DMD: variants seen among roughly 807,000 people sequenced by gnomAD.
DMD encodes mutant dystrophin.
A neutral mutation model predicts 330.1 loss-of-function variants in DMD; 63 were observed. The observed-to-expected ratio is 0.19, with a 90% CI of 0.16 to 0.24. The LOEUF (loss-of-function observed/expected upper bound fraction) is 0.24. Among genes scored for constraint, DMD ranks in the 10% least tolerant of loss-of-function variants. DMD has a pLI of 1.00. For synonymous variants in DMD, 1,223 were observed against 959.8 expected (o/e 1.27, Z -5.07); for missense variants, 3,344 against 2,684.1 (o/e 1.25, Z -5.43).
intron 44 of DMD, among the ~76,000 whole-genome samples, chrX:32,094,478 GT>G (rs1411730954): frequency 9.0e-6 from 1 of 111,641 alleles, no homozygotes; most frequent in African/African-American, 3.3e-5. Flanking sequence ...ATGCCAAAAT[GT>G]TTAGTTATTT....
intron 44 of DMD, among the ~76,000 whole-genome samples, chrX:32,076,086 A>AAAG (rs2096346527): frequency 6.1e-5 from 5 of 82,321 alleles, no homozygotes; most frequent in African/African-American, 2.4e-4. Flanking sequence ...AAAAAAAAAA[A>AAAG]AGAGAGAGAG....
intron 47 of DMD, among the ~76,000 whole-genome samples, chrX:31,916,206 A>T (rs968662671): frequency 8.0e-5 from 9 of 112,141 alleles, no homozygotes; most frequent in African/African-American, 2.6e-4. Flanking sequence ...CTGACTGAAA[A>T]TGTATGAGTG....
intron 60 of DMD, among the ~76,000 whole-genome samples, chrX:31,406,457 T>C (rs1008922215): frequency 6.3e-5 from 7 of 111,428 alleles, no homozygotes; most frequent in African/African-American, 2.3e-4. Flanking sequence ...TATTTTCATA[T>C]GGAGGAATCA....
At chrX:31,798,182 A>AT (rs1317001238) in intron 50 of DMD, among the ~76,000 whole-genome samples, 1 of 112,113 alleles carries the variant, frequency 8.9e-6, no homozygotes, top group Admixed American at 9.5e-5. Context: ...TCAAGGGAAA[A>AT]CTAATACTTT....
At chrX:32,977,006 G>A (rs949837161) in intron 2 of DMD, among the ~76,000 whole-genome samples, 1 of 111,396 alleles carries the variant, frequency 9.0e-6, no homozygotes, top group African/African-American at 3.3e-5. Flanking sequence ...AAAGAAACAC[G>A]GTAGCCTGGC....
intron 47 of DMD, among the ~76,000 whole-genome samples, chrX:31,925,895 A>G (rs985407337): frequency 9.2e-6 from 1 of 109,188 alleles, no homozygotes; most frequent in African/African-American, 3.3e-5. Flanking sequence ...AAACAAAAAG[A>G]AGATTCCTAA....
At chrX:33,207,732 TCTAA>T (rs1432082361) in intron 1 of DMD, among the ~76,000 whole-genome samples, 2 of 111,815 alleles carry the variant, frequency 1.8e-5, no homozygotes, top group African/African-American at 6.5e-5. Context: ...CCCAAGGAAG[TCTAA>T]CTAATAGATG....
At chrX:33,096,525 G>C (rs780817990) in intron 1 of DMD, among the ~76,000 whole-genome samples, 257 of 96,616 alleles carry the variant, frequency 2.7e-3, no homozygotes, top group African/African-American at 9.1e-3. Context: ...ATTTTTTTGA[G>C]ACAGAGTTTT....
At chrX:33,165,843 G>A (rs1323522457) in intron 1 of DMD, among the ~76,000 whole-genome samples, 1 of 111,634 alleles carries the variant, frequency 9.0e-6, no homozygotes, top group African/African-American at 3.2e-5. Flanking sequence ...AAGAAAACAA[G>A]GGCATCAAGT....
chrX:32,348,302 G>A, intron 38 of DMD, 104 bp downstream of exon 38: 1 of 805,757 alleles, frequency 1.2e-6, no homozygotes, highest in South Asian at 2.2e-5. Flanking sequence ...ATCATAAAAT[G>A]TGTAATATGT....
At chrX:32,386,729 G>GATAT (rs10622779) in intron 32 of DMD, among the ~76,000 whole-genome samples, 32 of 107,325 alleles carry the variant, frequency 3.0e-4, no homozygotes, top group South Asian at 2.4e-3. Context: ...TGTGTTTTGT[G>GATAT]ATATATATAT....
intron 44 of DMD, among the ~76,000 whole-genome samples, chrX:32,178,988 C>CCTCCTG (rs1557194271): frequency 4.8e-5 from 5 of 104,910 alleles, no homozygotes; most frequent in Non-Finnish European, 7.8e-5. Flanking sequence ...CTCTCCCTCT[C>CCTCCTG]CTCCTGCTCC....
At position 32,698,051 on chromosome X, in the gene DMD, G is replaced by A. The variant is rs190527338; in HGVS notation, c.832-53C>T. On this transcript the variant is annotated intron_variant, in intron 8 of 78. Coordinates refer to ENST00000357033, the MANE Select transcript of DMD (RefSeq NM_004006.3). ...TAGAGAGGAGGGGGAAAAACCATAA[G>A]TAACCCGAAAGGACTACTTTCCAAC... The A allele has an allele frequency of 2.1e-3, 2,363 of 1,139,863 alleles. 33 individuals are homozygous for A. In the Admixed American group the frequency reaches 0.038, roughly 18 times the overall value. 93.9% of individuals were successfully genotyped at this position (1,139,863 alleles called of 1,213,427 possible). A position where few individuals can be genotyped will look rare whatever the true frequency, so the allele number is the denominator to read the frequency against.
chrX:31,847,137 T>A (rs2093441227), intron 48 of DMD, among the ~76,000 whole-genome samples: 1 of 111,799 alleles, frequency 8.9e-6, no homozygotes, highest in Non-Finnish European at 1.9e-5. Context: ...CTCACATCAT[T>A]TCCCTCTATT....
intron 16 of DMD, among the ~76,000 whole-genome samples, chrX:32,552,458 A>C (rs2049681220): frequency 8.9e-6 from 1 of 112,039 alleles, no homozygotes; most frequent in Non-Finnish European, 1.9e-5. Flanking sequence ...AAAACCAACA[A>C]CTATAAAAAC....
chrX:31,244,296 G>C (rs911286434), intron 63 of DMD, among the ~76,000 whole-genome samples: 1 of 111,876 alleles, frequency 8.9e-6, no homozygotes, highest in Non-Finnish European at 1.9e-5. Flanking sequence ...ATTTGTGGTA[G>C]AAAACTATTG....
At chrX:31,159,608 A>G (rs2038569330) in intron 74 of DMD, among the ~76,000 whole-genome samples, 1 of 111,197 alleles carries the variant, frequency 9.0e-6, no homozygotes, top group East Asian at 2.8e-4. Context: ...CTCTCTTCCT[A>G]GGAGGTCTCT....
chrX:32,222,251 T>C (rs1344591633), intron 43 of DMD, among the ~76,000 whole-genome samples: 1 of 111,516 alleles, frequency 9.0e-6, no homozygotes, highest in Non-Finnish European at 1.9e-5. Context: ...CAAAATCTAT[T>C]CAAAACCTCT....
intron 9 of DMD, among the ~76,000 whole-genome samples, chrX:32,691,070 A>G (rs1365681467): frequency 9.0e-6 from 1 of 111,258 alleles, no homozygotes; most frequent in Non-Finnish European, 1.9e-5. Context: ...TACAAACCAT[A>G]TATATATATT....
Sources: gnomAD v4.1 joint callset for allele counts (sites outside exome capture counted in the v4.1 genomes callset) on GRCh38, gnomAD v4.1.1 for gene constraint, MANE v1.5 for transcripts, NCBI Gene and HGNC (gene_info 2026-07-23, HGNC 2026-07-21) for gene names.